ANK1: variants seen among roughly 807,000 people sequenced by gnomAD.
The protein encoded by ANK1 is ankyrin 1.
A neutral mutation model predicts 210.4 loss-of-function variants in ANK1; 51 were observed. That is an observed-to-expected ratio of 0.24 (90% CI 0.19 to 0.31). The LOEUF (loss-of-function observed/expected upper bound fraction) is 0.31, where lower values mean the gene tolerates loss of function less well. ANK1 is among the 10% of genes least tolerant of loss of function. The pLI is 1.00. For synonymous variants in ANK1, 967 were observed against 1,025.9 expected (o/e 0.94, Z 1.10); for missense variants, 2,051 against 2,504.4 (o/e 0.82, Z 3.86).
intron 9 of ANK1, among the ~76,000 whole-genome samples, chr8:41,721,656 C>CAAA (rs55653901): frequency 6.5e-5 from 7 of 108,122 alleles, no homozygotes; most frequent in Admixed American, 9.6e-5. Flanking sequence ...GACTTCATCT[C>CAAA]AAAAAAAAAA....
At chr8:41,892,397 C>G (rs956048695) in intron 1 of ANK1, among the ~76,000 whole-genome samples, 1 of 152,204 alleles carries the variant, frequency 6.6e-6, no homozygotes, top group Non-Finnish European at 1.5e-5. Context: ...GCCTGCACAG[C>G]TAAGTGGCAG....
intron 1 of ANK1, among the ~76,000 whole-genome samples, chr8:41,866,049 A>G (rs185851384): frequency 3.3e-5 from 5 of 152,354 alleles, no homozygotes; most frequent in Non-Finnish European, 4.4e-5. Context: ...CCCTAGAGGA[A>G]CTATGCACAT....
chr8:41,818,661 TTTC>T (rs1320969388), intron 1 of ANK1, among the ~76,000 whole-genome samples: 1 of 152,148 alleles, frequency 6.6e-6, no homozygotes, highest in Admixed American at 6.6e-5. Flanking sequence ...TCTTTCCTTC[TTTC>T]TTCTTTTTCC....
chr8:41,723,718 C>T, intron 7 of ANK1, 85 bp from the exon 8 acceptor site: 1 of 1,122,914 alleles, frequency 8.9e-7, no homozygotes, highest in Non-Finnish European at 1.3e-6. Flanking sequence ...TGTCCCCAGC[C>T]CCCAGTCCCC....
At chr8:41,714,063 T>C in intron 16 of ANK1, 93 bp downstream of exon 16, 1 of 921,476 alleles carries the variant, frequency 1.1e-6, no homozygotes, top group African/African-American at 1.7e-5. Context: ...CGCAAAACCC[T>C]TGGGCTGCTG....
chr8:41,768,677 T>A (rs895182765), intron 1 of ANK1, among the ~76,000 whole-genome samples: 3 of 151,980 alleles, frequency 2.0e-5, no homozygotes, highest in Non-Finnish European at 4.4e-5. Flanking sequence ...CAGGAAGAGA[T>A]AATGTGGGGG....
chr8:41,862,738 G>A (rs959717733), intron 1 of ANK1, among the ~76,000 whole-genome samples: 18 of 151,886 alleles, frequency 1.2e-4, no homozygotes, highest in African/African-American at 1.5e-4. Flanking sequence ...GGCCAGGTGC[G>A]GTGGCTCACA....
chr8:41,703,450 A>ATATATATATATAT (rs59985416), intron 20 of ANK1, among the ~76,000 whole-genome samples: 53 of 58,806 alleles, frequency 9.0e-4, no homozygotes, highest in East Asian at 2.7e-3. Context: ...ATATATATAT[A>ATATATATATATAT]TTTTTTTTTT....
intron 2 of ANK1, among the ~76,000 whole-genome samples, chr8:41,735,239 C>T (rs775039294): frequency 9.2e-5 from 14 of 152,220 alleles, no homozygotes; most frequent in Admixed American, 2.6e-4. Flanking sequence ...GAGTGCTACT[C>T]GGAGCCACAA....
intron 1 of ANK1, among the ~76,000 whole-genome samples, chr8:41,844,719 A>C (rs2150807321): frequency 6.6e-6 from 1 of 152,340 alleles, no homozygotes; most frequent in Non-Finnish European, 1.5e-5. Flanking sequence ...AAAGTCTCTA[A>C]AGAGCTTTGT....
At chr8:41,716,760 C>T (rs1231665271) in intron 13 of ANK1, among the ~76,000 whole-genome samples, 193 bp downstream of exon 13, 3 of 152,226 alleles carry the variant, frequency 2.0e-5, no homozygotes, top group Non-Finnish European at 4.4e-5. Context: ...ATGTGGCTCT[C>T]ATGCAGAAAT....
intron 1 of ANK1, chr8:41,829,498 C>CCGGT (rs1806173613): frequency 1.3e-5 from 2 of 152,218 alleles, no homozygotes; most frequent in Non-Finnish European, 2.9e-5. Context: ...AGGCAACTGA[C>CCGGT]CCCAGCGTGC....
chr8:41,896,620 T>A, exon 1 of ANK1: 1 of 1,208,076 alleles, frequency 8.3e-7, no homozygotes, highest in Non-Finnish European at 1.1e-6. Flanking sequence ...GGCCGGCTGC[T>A]GCGGGGTCGC....
intron 2 of ANK1, among the ~76,000 whole-genome samples, chr8:41,753,947 T>A (rs1838420224): frequency 6.6e-6 from 1 of 152,194 alleles, no homozygotes; most frequent in Non-Finnish European, 1.5e-5. Context: ...TCACCTTATT[T>A]GCCTCTGCTC....
At chr8:41,802,951 G>C (rs1036175420) in intron 1 of ANK1, among the ~76,000 whole-genome samples, 2 of 53,342 alleles carry the variant, frequency 3.7e-5, no homozygotes, top group Admixed American at 2.4e-4. Flanking sequence ...GAGAGAAAGG[G>C]GGGGGGGGAG....
chr8:41,668,781 G>A (rs184516298), intron 38 of ANK1, among the ~76,000 whole-genome samples: 41 of 152,280 alleles, frequency 2.7e-4, no homozygotes, highest in African/African-American at 9.6e-4. Context: ...CCCATCTAAT[G>A]CTGTCCAGGT....
At chr8:41,864,857 T>C (rs1814051181) in intron 1 of ANK1, among the ~76,000 whole-genome samples, 1 of 152,170 alleles carries the variant, frequency 6.6e-6, no homozygotes, top group South Asian at 2.1e-4. Flanking sequence ...AACACCTGGA[T>C]GTTTAGAAAG....
intron 1 of ANK1, among the ~76,000 whole-genome samples, chr8:41,773,596 C>T (rs772791195): frequency 1.2e-4 from 18 of 152,242 alleles, no homozygotes; most frequent in African/African-American, 3.9e-4. Context: ...TTTTGCACAC[C>T]GGGTCTCTTT....
intron 1 of ANK1, among the ~76,000 whole-genome samples, chr8:41,894,186 G>A (rs1819991926): frequency 6.6e-6 from 1 of 152,018 alleles, no homozygotes; most frequent in South Asian, 2.1e-4. Context: ...TCAGTCCTAA[G>A]AGTATGCGTC....
Sources: gnomAD v4.1 joint callset for allele counts (sites outside exome capture counted in the v4.1 genomes callset) on GRCh38, gnomAD v4.1.1 for gene constraint, MANE v1.5 for transcripts, NCBI Gene and HGNC (gene_info 2026-07-23, HGNC 2026-07-21) for gene names.